SPIN3: variants seen among roughly 807,000 people sequenced by gnomAD.
SPIN3 encodes the protein spindlin family member 3.
For missense variants in SPIN3, 176 were observed against 196.4 expected (o/e 0.90, Z 0.62); for synonymous variants, 74 against 74.3 (o/e 1.00, Z 0.02).
intron 5 of SPIN3, chrX:56,977,933 C>T (rs1924039544): frequency 8.9e-6 from 1 of 112,001 alleles, no homozygotes; most frequent in African/African-American, 3.2e-5. Context: ...AACTTCCCAG[C>T]CTCCAGAACT....
At chrX:56,984,781 G>A (rs1010466011) in intron 2 of SPIN3, among the ~76,000 whole-genome samples, 1 of 111,456 alleles carries the variant, frequency 9.0e-6, no homozygotes. Context: ...TTTACATGGA[G>A]AAATTTCCAA....
chrX:56,994,388 C>A lies in SPIN3; in HGVS notation c.560G>T (p.Arg187Leu), dbSNP rs766002432. The A allele has an allele frequency of 8.3e-7, 1 of 1,210,891 alleles. No individual in the cohort carries two copies. Among genetic ancestry groups the A allele is most frequent in the South Asian group, 1.8e-5 (1 of 56,833 alleles). ...LLDDYKDGDLRILQDSNDSPL... is the reference protein window; with the variant it reads ...LLDDYKDGDLLILQDSNDSPL... ...AGAATCATTGGAATCTTGAAGGATG[C>A]GGAGGTCACCATCTTTATAATCATC... The change falls in exon 2 of 2, where the codon CGC becomes CTC. Residue 187 changes from arginine to leucine, a missense_variant. Arg to Leu is a moderately radical substitution (Grantham distance 102). Transcript: ENST00000374919.
chrX:56,988,079 G>A (rs1454213810), downstream of SPIN3, among the ~76,000 whole-genome samples: 1 of 111,588 alleles, frequency 9.0e-6, no homozygotes, highest in African/African-American at 3.3e-5. Context: ...CTAGTATAGA[G>A]CTAGTAAAAC....
chrX:56,985,162 C>T (rs1010736881), intron 2 of SPIN3, among the ~76,000 whole-genome samples: 1 of 112,362 alleles, frequency 8.9e-6, no homozygotes, highest in African/African-American at 3.2e-5. Flanking sequence ...TACTGCAATA[C>T]TCTAACTAGT....
chrX:56,981,186 C>G (rs1265122615), intron 3 of SPIN3, among the ~76,000 whole-genome samples: 3 of 108,838 alleles, frequency 2.8e-5, no homozygotes, highest in Non-Finnish European at 5.7e-5. Context: ...CACGGTGAAA[C>G]CCCGTCTCTA....
chrX:56,982,144 C>G (rs1422453290), intron 3 of SPIN3: 1 of 111,522 alleles, frequency 9.0e-6, no homozygotes, highest in East Asian at 2.8e-4. Context: ...CCCTGGACAG[C>G]ATCACGGACC....
chrX:56,984,985 A>T lies in SPIN3; in HGVS notation c.226-507T>A, dbSNP rs952128746. Among the ~76,000 whole-genome samples, 4 of 111,351 alleles carry T rather than the reference A, an allele frequency of 3.6e-5. No homozygotes were observed. The East Asian group carries it at 1.1e-3, about 31-fold the overall frequency. ...CTTCATCTCTATCAGTGGCAACTCC[A>T]TCTTCCCAGTTGTTTTTTGGAGCCA... is the stretch of plus-strand genomic sequence containing the variant. On this transcript the variant is annotated intron_variant and NMD_transcript_variant, in intron 2 of 5. Coordinates refer to the SPIN3 transcript ENST00000475785.
rs1026089078 is a variant in SPIN3, at chrX:56,990,835, G to A, written c.*3336C>T. ...AAAATATACACAGGAATCAAATAGG[G>A]ATTAAGATATCAGCTTTAATATATT... is the stretch of plus-strand genomic sequence containing the variant. On this transcript the variant is annotated 3_prime_UTR_variant, in exon 2 of 2. Coordinates refer to ENST00000374919, the MANE Select transcript of SPIN3 (RefSeq NM_001010862.3). 2 of 109,559 alleles carry A rather than the reference G, an allele frequency of 1.8e-5. No individual in the cohort carries two copies. The highest frequency in any genetic ancestry group is 6.7e-5 in the African/African-American group (2 of 30,071). 9.0% of individuals were successfully genotyped at this position (109,559 alleles called of 1,213,427 possible). A position where few individuals can be genotyped will look rare whatever the true frequency, so the allele number is the denominator to read the frequency against.
intron 3 of SPIN3, among the ~76,000 whole-genome samples, chrX:56,981,057 C>A (rs1292887045): frequency 1.8e-5 from 2 of 108,644 alleles, no homozygotes; most frequent in Non-Finnish European, 3.8e-5. Flanking sequence ...AGGCCTAAAG[C>A]CTCTCTAAAT....
In SPIN3 at chrX:56,990,904, C is replaced by A. The variant is rs1281888569; in HGVS notation, c.*3267G>T. On this transcript the variant is annotated 3_prime_UTR_variant, in exon 2 of 2. Transcript: ENST00000374919. ...AATTCAGAACAGCATGTATAGTATG[C>A]CACCATTTGTGTAAAAAAAAAAAAA... The A allele has an allele frequency of 1.3e-5, 1 of 75,370 alleles. No homozygotes were observed. Among genetic ancestry groups the A allele is most frequent in the Non-Finnish European group, 2.7e-5 (1 of 36,967 alleles). The allele number at this position is 75,370 out of a possible 1,213,427, so 6.2% of individuals were successfully genotyped here. A position where few individuals can be genotyped will look rare whatever the true frequency, so the allele number is the denominator to read the frequency against.
At position 56,993,896 on chromosome X, in the gene SPIN3, C is replaced by A; in HGVS notation, c.*275G>T. The A allele has an allele frequency of 3.6e-6, 1 of 274,344 alleles. No homozygotes were observed. The highest frequency in any genetic ancestry group is 6.4e-6 in the Non-Finnish European group (1 of 157,428). The allele number at this position is 274,344 out of a possible 1,213,427, so 22.6% of individuals were successfully genotyped here. A position where few individuals can be genotyped will look rare whatever the true frequency, so the allele number is the denominator to read the frequency against. ...TGTTCAGCTACCTTTAATCTATTAA[C>A]ACCACCCAAGATAAAAAAAAGTATG... On this transcript the variant is annotated 3_prime_UTR_variant, in exon 2 of 2. Transcript: ENST00000374919.
intron 3 of SPIN3, chrX:56,983,048 G>T (rs1017521198): frequency 8.9e-6 from 1 of 112,088 alleles, no homozygotes; most frequent in Admixed American, 9.5e-5. Context: ...GGCTGAAAAG[G>T]TGGTCTTCAT....
intron 3 of SPIN3, among the ~76,000 whole-genome samples, chrX:56,983,400 C>T (rs1479536740): frequency 9.0e-6 from 1 of 111,691 alleles, no homozygotes. Context: ...TCTACCCTAT[C>T]CCCAGCCATC....
rs1238692257 is a variant in SPIN3, at chrX:56,994,392, G to C, written c.556C>G (p.Leu186Val). 1.7e-6 allele frequency: 2 copies of C among 1,209,343 alleles called. No homozygotes were observed. Among genetic ancestry groups the C allele is most frequent in the African/African-American group, 1.8e-5 (1 of 56,966 alleles). The change falls in exon 2 of 2, where the codon CTC becomes GTC. Residue 186 changes from leucine to valine, a missense_variant. Coordinates refer to ENST00000374919, the MANE Select transcript of SPIN3 (RefSeq NM_001010862.3). ...QLLDDYKDGD[L>V]RILQDSNDSP... ...TCATTGGAATCTTGAAGGATGCGGA[G>C]GTCACCATCTTTATAATCATCTAAG...
chrX:56,985,308 TATGCTTC>T (rs1202626365), intron 2 of SPIN3, among the ~76,000 whole-genome samples: 1 of 112,206 alleles, frequency 8.9e-6, no homozygotes, highest in South Asian at 3.7e-4. Flanking sequence ...ACACCCAGGT[TATGCTTC>T]AGTGATGGAC....
intron 3 of SPIN3, chrX:56,981,460 C>G (rs947837395): frequency 9.0e-6 from 1 of 110,655 alleles, no homozygotes; most frequent in African/African-American, 3.3e-5. Context: ...ATTTGGTTTT[C>G]CCCCTGTGGG....
rs1264480315 is a variant in SPIN3, at chrX:56,993,275, C to A, written c.*896G>T. The A allele has an allele frequency of 1.8e-5, 2 of 112,059 alleles. No homozygotes were observed. Among genetic ancestry groups the A allele is most frequent in the African/African-American group, 6.5e-5 (2 of 30,780 alleles). 9.2% of individuals were successfully genotyped at this position (112,059 alleles called of 1,213,427 possible). A position where few individuals can be genotyped will look rare whatever the true frequency, so the allele number is the denominator to read the frequency against. Reference sequence around the variant, plus strand: ...TCTGGACAGATCTGTCCAAACCCAGCCAAACCCAGCCTTTGCCTGTGACTG... The same window carrying A: ...TCTGGACAGATCTGTCCAAACCCAGACAAACCCAGCCTTTGCCTGTGACTG... On this transcript the variant is annotated 3_prime_UTR_variant, in exon 2 of 2. Transcript: ENST00000374919.
intron 2 of SPIN3, among the ~76,000 whole-genome samples, chrX:56,984,963 C>T (rs1198266834): frequency 9.0e-6 from 1 of 111,599 alleles, no homozygotes; most frequent in Non-Finnish European, 1.9e-5. Context: ...TAGCCTTCTT[C>T]ATCTCTATCA....
Position 56,993,238 on chromosome X carries a change from T to C in SPIN3, c.*933A>G, listed in dbSNP as rs189766360. The C allele has an allele frequency of 1.8e-5, 2 of 112,004 alleles. No individual in the cohort carries two copies. The highest frequency in any genetic ancestry group is 1.9e-4 in the Admixed American group (2 of 10,622). The allele number at this position is 112,004 out of a possible 1,213,427, so 9.2% of individuals were successfully genotyped here. ...AGTTTGATTCTAGGTTTCTCCTCTT[T>C]CATTTTGAGGTTCTGGACAGATCTG... On this transcript the variant is annotated 3_prime_UTR_variant, in exon 2 of 2. Transcript: ENST00000374919.
Sources: allele counts gnomAD v4.1 joint callset (sites outside exome capture counted in the v4.1 genomes callset), GRCh38; gene constraint gnomAD v4.1.1; transcripts MANE v1.5; gene names NCBI Gene and HGNC (gene_info 2026-07-23, HGNC 2026-07-21).